The following GPR160 variants were observed in gnomAD, a reference collection of about 807,000 sequenced individuals.
GPR160 encodes probable G protein-coupled receptor 160.
GPR160 carries 2 observed loss-of-function variants against 2.6 expected under a neutral mutation model. The ratio of observed to expected loss-of-function variants is 0.77; its 90% CI spans 0.32 to 2.44. GPR160 has a LOEUF of 2.44. Among genes scored for constraint, GPR160 ranks in the 30% most tolerant of loss-of-function variants. GPR160 has a pLI of 0.11. For missense variants in GPR160, 351 were observed against 383.6 expected (o/e 0.91, Z 0.71); for synonymous variants, 130 against 132.2 (o/e 0.98, Z 0.12).
intron 2 of GPR160, among the ~76,000 whole-genome samples, chr3:170,078,404 C>CA (rs1487855606): frequency 1.1e-4 from 16 of 152,122 alleles, no homozygotes; most frequent in Non-Finnish European, 2.1e-4. Flanking sequence ...GGAAAAAGGA[C>CA]AAGGGATACA....
chr3:170,062,916 T>G, intron 2 of GPR160: 1 of 354,908 alleles, frequency 2.8e-6, no homozygotes, highest in Non-Finnish European at 5.2e-6. Context: ...GCCTTTGTGG[T>G]AGAAAAGCAC....
rs1217586940 is a variant in GPR160, at chr3:170,084,331, A to T, written c.359A>T (p.Tyr120Phe). The T allele has an allele frequency of 6.2e-7, 1 of 1,608,890 alleles. No individual in the cohort carries two copies. Among genetic ancestry groups the T allele is most frequent in the Admixed American group, 1.7e-5 (1 of 59,566 alleles). The change falls in exon 4 of 4, where the codon TAT (tyrosine) becomes TTT (phenylalanine). Residue 120 changes from tyrosine (Y) to phenylalanine (F), a missense_variant. Tyr to Phe is a conservative substitution (Grantham distance 22). Transcript: ENST00000355897. ...GTTTTCCTGACAGCTTGTATAGATT[A>T]TTGCCTGAATTTCTCTAAAACAACC... ...YPVFLTACID[Y>F]CLNFSKTTKL... is the part of the protein sequence containing the mutation.
chr3:170,063,570 A>AC (rs1712113906), intron 2 of GPR160, among the ~76,000 whole-genome samples: 2 of 149,800 alleles, frequency 1.3e-5, no homozygotes, highest in African/African-American at 2.4e-5. Context: ...AAAAAAAAAA[A>AC]AAAACCTCAG....
intron 2 of GPR160, among the ~76,000 whole-genome samples, chr3:170,070,653 A>G (rs186689713): frequency 7.2e-5 from 11 of 152,340 alleles, no homozygotes; most frequent in Admixed American, 4.6e-4. Flanking sequence ...AAGTTTAACA[A>G]CTAGAGACTA....
rs137932976 is a variant in GPR160 at position 170,084,078 on chromosome 3, A to T, written c.106A>T (p.Ile36Leu). 153 of 1,588,272 alleles carry T rather than the reference A, an allele frequency of 9.6e-5. No homozygotes were observed. The African/African-American group carries it at 1.8e-3, about 19-fold the overall frequency. The change falls in exon 4 of 4, where the codon ATA (isoleucine) becomes TTA (leucine). Residue 36 changes from isoleucine (I) to leucine (L), a missense_variant. Ile to Leu is a conservative substitution (Grantham distance 5, BLOSUM62 2). Coordinates refer to ENST00000355897, the MANE Select transcript of GPR160 (RefSeq NM_014373.3). ...YLLFLIILGK[I>L]LLNILTLGMR... ...GCTATTCTTGATCATACTTGGGAAA[A>T]TATTATTAAATATCCTTACACTAGG...
chr3:170,064,588 G>A (rs13075845), intron 2 of GPR160, among the ~76,000 whole-genome samples: 3 of 139,862 alleles, frequency 2.1e-5, no homozygotes, highest in Non-Finnish European at 4.5e-5. Context: ...GCACAATCTC[G>A]GCTCGCTGCA....
chr3:170,047,835 C>A (rs1035869302), intron 2 of GPR160, among the ~76,000 whole-genome samples: 1 of 125,076 alleles, frequency 8.0e-6, no homozygotes, highest in Non-Finnish European at 1.7e-5. Context: ...GGACATTATT[C>A]TTTTTTTTTT....
chr3:170,075,627 G>A (rs1229197432), intron 2 of GPR160, among the ~76,000 whole-genome samples: 1 of 152,140 alleles, frequency 6.6e-6, no homozygotes, highest in African/African-American at 2.4e-5. Flanking sequence ...CGCCTCCCCA[G>A]CCCATGATGG....
chr3:170,055,686 G>A (rs545078724), intron 2 of GPR160, among the ~76,000 whole-genome samples: 1 of 152,024 alleles, frequency 6.6e-6, no homozygotes, highest in African/African-American at 2.4e-5. Flanking sequence ...CCAGGCTGGA[G>A]TGCAGTGGCG....
At chr3:170,057,662 A>G (rs1711716193) in intron 2 of GPR160, among the ~76,000 whole-genome samples, 1 of 152,238 alleles carries the variant, frequency 6.6e-6, no homozygotes, top group African/African-American at 2.4e-5. Flanking sequence ...CCTGGAAGGA[A>G]TGGGCTTCTG....
intron 2 of GPR160, among the ~76,000 whole-genome samples, chr3:170,065,225 A>G (rs1479488068): frequency 6.6e-6 from 1 of 152,176 alleles, no homozygotes; most frequent in Non-Finnish European, 1.5e-5. Context: ...TTTCCTTTCT[A>G]AACTTTTTTG....
At position 170,054,097 on chromosome 3, in the gene GPR160, T is replaced by TTGTG. The variant is rs35080259; in HGVS notation, c.-193+15068_-193+15071dup. The stretch of plus-strand genomic sequence containing the variant: ...TATTTTATAAACTAAAAAGCAGCGT[T>TTGTG]TGTGTGTGTGTGTGTGTATGTGTGT... On this transcript the variant is annotated intron_variant, in intron 2 of 3. Coordinates refer to ENST00000355897, the MANE Select transcript of GPR160 (RefSeq NM_014373.3). 1.5e-3 allele frequency among the ~76,000 whole-genome samples: 220 copies of TTGTG among 150,378 alleles called. 2 individuals carry two copies. The highest frequency in any genetic ancestry group is 4.1e-3 in the African/African-American group (169 of 41,026).
intron 2 of GPR160, among the ~76,000 whole-genome samples, chr3:170,058,231 C>A (rs1711740177): frequency 6.6e-6 from 1 of 152,130 alleles, no homozygotes; most frequent in Admixed American, 6.5e-5. Flanking sequence ...TGTAGCAGGC[C>A]TGGGTGGGTA....
chr3:170,065,494 T>A (rs1214490535), intron 2 of GPR160, among the ~76,000 whole-genome samples: 2 of 152,216 alleles, frequency 1.3e-5, no homozygotes, highest in Non-Finnish European at 2.9e-5. Context: ...TTCTAATGCA[T>A]CCCATTTCCT....
chr3:170,082,988 GGTTTTT>G (rs1012981637), intron 3 of GPR160, among the ~76,000 whole-genome samples: 3 of 135,292 alleles, frequency 2.2e-5, no homozygotes, highest in African/African-American at 5.3e-5. Flanking sequence ...TTTTTTTTTT[GGTTTTT>G]GTTTTTGTTT....
chr3:170,048,677 C>T (rs544595099), intron 2 of GPR160, among the ~76,000 whole-genome samples: 1 of 152,304 alleles, frequency 6.6e-6, no homozygotes, highest in Admixed American at 6.5e-5. Flanking sequence ...TCTTTCTTAT[C>T]ACAAAAGCAA....
At chr3:170,082,616 G>C (rs1223775159) in intron 3 of GPR160, among the ~76,000 whole-genome samples, 1 of 151,978 alleles carries the variant, frequency 6.6e-6, no homozygotes, top group Non-Finnish European at 1.5e-5. Flanking sequence ...CTTTTTTCGA[G>C]ACAGGGTCTT....
chr3:170,041,413 T>C (rs554961986), intron 2 of GPR160, among the ~76,000 whole-genome samples: 1 of 150,966 alleles, frequency 6.6e-6, no homozygotes, highest in South Asian at 2.1e-4. Flanking sequence ...GCCATTCTCC[T>C]GCCTCAGCCT....
intron 2 of GPR160, among the ~76,000 whole-genome samples, chr3:170,067,925 C>CT (rs1448301729): frequency 6.6e-6 from 1 of 152,138 alleles, no homozygotes; most frequent in Non-Finnish European, 1.5e-5. Flanking sequence ...CCTCAATCCT[C>CT]TATTTCTTGC....
Sources: allele counts gnomAD v4.1 joint callset (sites outside exome capture counted in the v4.1 genomes callset), GRCh38; gene constraint gnomAD v4.1.1; transcripts MANE v1.5; gene names NCBI Gene and HGNC (gene_info 2026-07-23, HGNC 2026-07-21).